Variants in FKBP9 observed in about 807,000 individuals in gnomAD.
FKBP9 encodes the protein peptidyl-prolyl cis-trans isomerase FKBP9.
In FKBP9, 27 loss-of-function variants were observed where a neutral mutation model predicts 55.6. The ratio of observed to expected loss-of-function variants is 0.49; its 90% confidence interval spans 0.36 to 0.67. The LOEUF (loss-of-function observed/expected upper bound fraction) is 0.67, where lower values mean the gene tolerates loss of function less well. FKBP9 is among the 30% of genes least tolerant of loss of function. The pLI is 0.00. For missense variants in FKBP9, 539 were observed against 742.8 expected, an observed-to-expected ratio of 0.73 and a Z score of 3.19; for synonymous variants, 267 against 296.5, an observed-to-expected ratio of 0.90 and a Z score of 1.02.
intron 1 of FKBP9, among the ~76,000 whole-genome samples, chr7:32,970,554 G>A (rs1385875072): frequency 6.6e-6 from 1 of 151,366 alleles, no homozygotes; most frequent in Admixed American, 6.6e-5. Flanking sequence ...TTGCCTCCTT[G>A]GTTAGGTTTA....
chr7:32,979,626 C>G, intron 4 of FKBP9: 10 of 1,341,572 alleles, frequency 7.5e-6, no homozygotes, highest in Non-Finnish European at 1.0e-5. Flanking sequence ...TTCTACTATC[C>G]CAAATTACTG....
At chr7:32,979,418 T>C in intron 4 of FKBP9, 2 of 993,430 alleles carry the variant, frequency 2.0e-6, no homozygotes, top group Non-Finnish European at 3.1e-6. Context: ...CACCTTGCAT[T>C]CCAGGGGCTG....
chr7:32,979,423 G>T, intron 4 of FKBP9: 1 of 1,044,330 alleles, frequency 9.6e-7, no homozygotes, highest in South Asian at 1.4e-5. Flanking sequence ...TGCATTCCAG[G>T]GGCTGACTCA....
At chr7:32,997,851 C>T (rs1167002670) in intron 7 of FKBP9, among the ~76,000 whole-genome samples, 2 of 151,962 alleles carry the variant, frequency 1.3e-5, no homozygotes, top group Admixed American at 1.3e-4. Context: ...AAAGAAAAGA[C>T]CCTATGGATA....
chr7:32,970,582 C>A (rs1327848481), intron 1 of FKBP9, among the ~76,000 whole-genome samples: 1 of 151,064 alleles, frequency 6.6e-6, no homozygotes. Flanking sequence ...GTATTTCATT[C>A]TTCTTGATGC....
intron 1 of FKBP9, among the ~76,000 whole-genome samples, chr7:32,964,088 G>A (rs1404895541): frequency 1.3e-5 from 2 of 152,218 alleles, no homozygotes; most frequent in African/African-American, 4.8e-5. Context: ...TTTAGAGTGT[G>A]ACTGCACATT....
intron 8 of FKBP9, among the ~76,000 whole-genome samples, chr7:33,001,297 CA>C (rs1272349744): frequency 6.6e-6 from 1 of 152,156 alleles, no homozygotes; most frequent in African/African-American, 2.4e-5. Context: ...GTAATCCCAG[CA>C]CTTTGGGATG....
chr7:32,978,290 T>C (rs1784404588), intron 4 of FKBP9, among the ~76,000 whole-genome samples: 1 of 151,700 alleles, frequency 6.6e-6, no homozygotes, highest in African/African-American at 2.4e-5. Flanking sequence ...GGGGTGGAAT[T>C]CCCTACTAAA....
chr7:32,999,490 T>A (rs1232853665), intron 7 of FKBP9, among the ~76,000 whole-genome samples: 2 of 151,646 alleles, frequency 1.3e-5, no homozygotes, highest in Non-Finnish European at 2.9e-5. Context: ...TTTTTTTTTT[T>A]TAGTCTTAGA....
intron 1 of FKBP9, among the ~76,000 whole-genome samples, chr7:32,969,023 T>C (rs13438351): frequency 0.13 from 19,921 of 152,276 alleles, 1,779 homozygotes; most frequent in Admixed American, 0.3. Context: ...TTCATTCGCT[T>C]GTTGGCCATT....
At chr7:32,993,867 TGCTGAATGAA>T (rs1784732900) in intron 6 of FKBP9, among the ~76,000 whole-genome samples, 1 of 152,206 alleles carries the variant, frequency 6.6e-6, no homozygotes, top group Admixed American at 6.5e-5. Flanking sequence ...TCCTTTTTAT[TGCTGAATGAA>T]TATTCCATTG....
chr7:32,974,735 A>C lies in FKBP9; in HGVS notation c.340A>C (p.Lys114Gln). 2 of 1,613,810 alleles carry C rather than the reference A, an allele frequency of 1.2e-6. No individual in the cohort carries two copies. The highest frequency in any genetic ancestry group is 1.7e-6 in the Non-Finnish European group (2 of 1,179,802). ...NERRFVKIPP[K>Q]LAYGNEGVSG... Reference sequence around the variant, plus strand: ...GAGACGTTTCGTGAAGATTCCCCCAAAGCTTGCCTACGGAAATGAAGGAGT... The same window carrying C: ...GAGACGTTTCGTGAAGATTCCCCCACAGCTTGCCTACGGAAATGAAGGAGT... The change falls in exon 2 of 10, where the codon AAG (lysine) becomes CAG (glutamine). Residue 114 changes from lysine (K) to glutamine (Q), a missense_variant. This residue lies in a region of FKBP9 where 236 missense variants were observed against 271.5 expected (regional missense o/e 0.87). Transcript: ENST00000242209.
At chr7:32,964,933 G>C (rs1489504183) in intron 1 of FKBP9, among the ~76,000 whole-genome samples, 2 of 152,166 alleles carry the variant, frequency 1.3e-5, no homozygotes, top group Admixed American at 6.5e-5. Flanking sequence ...GTGGGGAGGT[G>C]AGTTTCAGTC....
chr7:32,974,386 A>G (rs1272090073), intron 1 of FKBP9, among the ~76,000 whole-genome samples: 2 of 148,186 alleles, frequency 1.3e-5, no homozygotes, highest in Non-Finnish European at 3.0e-5. Context: ...GGAGAGAGTT[A>G]TGCTGATTCT....
chr7:32,965,845 G>GTATACACATATATATATATATA (rs1562563036), intron 1 of FKBP9, among the ~76,000 whole-genome samples: 2 of 76,764 alleles, frequency 2.6e-5, no homozygotes, highest in African/African-American at 1.3e-4. Context: ...ATATATATAT[G>GTATACACATATATATATATATA]TGTGTACAGA....
chr7:32,990,589 T>C (rs1268780752), intron 6 of FKBP9, among the ~76,000 whole-genome samples: 2 of 152,364 alleles, frequency 1.3e-5, no homozygotes, highest in Non-Finnish European at 2.9e-5. Context: ...CACTAATCAA[T>C]ACGGACAAAC....
chr7:32,978,044 C>G (rs1784400695), intron 4 of FKBP9, among the ~76,000 whole-genome samples: 1 of 150,944 alleles, frequency 6.6e-6, no homozygotes, highest in African/African-American at 2.4e-5. Flanking sequence ...GCCTCAGCCT[C>G]CTGGGTAGCT....
chr7:32,957,826 A>G, intron 1 of FKBP9, 32 bp downstream of exon 1: 1 of 1,392,720 alleles, frequency 7.2e-7, no homozygotes, highest in South Asian at 1.6e-5. Context: ...GCGCGGCCTC[A>G]GCGGATGCGC....
chr7:32,993,954 TG>T (rs1377620923), intron 6 of FKBP9, among the ~76,000 whole-genome samples: 4 of 152,256 alleles, frequency 2.6e-5, no homozygotes, highest in Admixed American at 1.3e-4. Context: ...TTCTACTTTT[TG>T]TCTGTTGTGA....
Sources: allele counts gnomAD v4.1 joint callset (sites outside exome capture counted in the v4.1 genomes callset), GRCh38; gene constraint gnomAD v4.1.1; regional missense constraint gnomAD v4.1.1; transcripts MANE v1.5; gene names NCBI Gene and HGNC (gene_info 2026-07-23, HGNC 2026-07-21).